CHD1L: variants seen among roughly 807,000 people sequenced by gnomAD.
The protein encoded by CHD1L is chromodomain helicase DNA binding protein 1 like, also known as ATP-dependent chromatin remodeler CHD1L.
A neutral mutation model predicts 115.9 loss-of-function variants in CHD1L; 118 were observed. The ratio of observed to expected loss-of-function variants is 1.02; its 90% CI spans 0.88 to 1.19. CHD1L has a LOEUF of 1.19. CHD1L is among the 50% of genes most tolerant of loss of function. The pLI is 0.00. For synonymous variants in CHD1L, 411 were observed against 387.1 expected (o/e 1.06, Z -0.72); for missense variants, 1,179 against 1,065.3 (o/e 1.11, Z -1.49).
the CHD1L span, among the ~76,000 whole-genome samples, chr1:147,176,958 G>A: frequency 6.6e-6 from 1 of 151,912 alleles, no homozygotes; most frequent in African/African-American, 2.4e-5. Flanking sequence ...ACTTAAAAAT[G>A]CATGTGGATT....
In CHD1L at chr1:147,295,494, A is replaced by G. The variant is rs782706262; in HGVS notation, c.2679A>G (p.Arg893=). Residue 893 remains arginine (R), a synonymous_variant, in exon 23 of 23, where the codon AGA becomes AGG. Transcript: ENST00000369258. ...CACAGTCTTCATCTTCCTCCTCAAG[A>G]CAGCTGGTGCCTTAAGAATTGGCCC... The part of the protein sequence containing the change: ...LHSQSSSSSS[R]QLVP 1.2e-6 allele frequency: 2 copies of G among 1,610,292 alleles called. No homozygotes were observed. The highest frequency in any genetic ancestry group is 1.7e-5 in the Admixed American group (1 of 59,836).
the CHD1L span, among the ~76,000 whole-genome samples, chr1:147,233,189 C>G: frequency 6.6e-6 from 1 of 151,788 alleles, no homozygotes; most frequent in Non-Finnish European, 1.5e-5. Context: ...TGCCCAGCCG[C>G]CCCGTCTGAG....
the CHD1L span, among the ~76,000 whole-genome samples, chr1:147,224,659 G>A: frequency 6.6e-6 from 1 of 151,824 alleles, no homozygotes. Flanking sequence ...ACATGCACCC[G>A]CCACCACGCC....
the CHD1L span, chr1:147,209,046 GA>G: frequency 6.8e-6 from 11 of 1,613,216 alleles, no homozygotes; most frequent in Non-Finnish European, 8.5e-6. Context: ...TGGTGCTGAG[GA>G]AAACCTGGGG....
At chr1:147,183,447 G>C in the CHD1L span, among the ~76,000 whole-genome samples, 3 of 151,982 alleles carry the variant, frequency 2.0e-5, no homozygotes, top group Non-Finnish European at 4.4e-5. Context: ...CACTACATTA[G>C]GCACTAGGAA....
At chr1:147,233,659 A>T in the CHD1L span, among the ~76,000 whole-genome samples, 4 of 151,852 alleles carry the variant, frequency 2.6e-5, no homozygotes, top group East Asian at 1.9e-4. Flanking sequence ...GAAAGGGGGG[A>T]AAGGTGGGGA....
the CHD1L span, among the ~76,000 whole-genome samples, chr1:147,196,922 G>A: frequency 2.0e-5 from 3 of 152,066 alleles, no homozygotes; most frequent in African/African-American, 7.2e-5. Context: ...TTGGTTTAAA[G>A]CTCTCATGCT....
At chr1:147,225,324 G>A in the CHD1L span, 16 of 429,948 alleles carry the variant, frequency 3.7e-5, no homozygotes, top group Non-Finnish European at 4.7e-5. Context: ...CTTCAGCTGC[G>A]ATCTGGAGGA....
intron 1 of CHD1L, among the ~76,000 whole-genome samples, chr1:147,250,875 T>A (rs1241496734): frequency 1.3e-5 from 2 of 152,044 alleles, no homozygotes; most frequent in East Asian, 3.9e-4. Context: ...TCTCCACGTG[T>A]CAAGGGTGGT....
At chr1:147,228,347 T>C in the CHD1L span, among the ~76,000 whole-genome samples, 1 of 152,286 alleles carries the variant, frequency 6.6e-6, no homozygotes, top group East Asian at 1.9e-4. Context: ...ACTCATCATT[T>C]TTTATGGCTA....
chr1:147,290,094 G>GTT (rs1430017997), intron 19 of CHD1L, among the ~76,000 whole-genome samples: 1 of 152,088 alleles, frequency 6.6e-6, no homozygotes, highest in African/African-American at 2.4e-5. Flanking sequence ...GTTTTTTGTT[G>GTT]TTTTGTTTTT....
the CHD1L span, among the ~76,000 whole-genome samples, chr1:147,226,058 A>C: frequency 6.7e-6 from 1 of 149,156 alleles, no homozygotes; most frequent in Non-Finnish European, 1.5e-5. Flanking sequence ...ACTTTTTTTA[A>C]CTCCTAGGGC....
At chr1:147,264,833 TAGAA>T (rs782004792) in intron 7 of CHD1L, among the ~76,000 whole-genome samples, 11 of 152,222 alleles carry the variant, frequency 7.2e-5, no homozygotes, top group Non-Finnish European at 1.5e-4. Flanking sequence ...TTGGAAGAAA[TAGAA>T]AGTGCCTGCT....
chr1:147,237,145 G>C, the CHD1L span, among the ~76,000 whole-genome samples: 1 of 152,198 alleles, frequency 6.6e-6, no homozygotes, highest in South Asian at 2.1e-4. Context: ...ACCTGGCCAG[G>C]CTGCAATAGC....
In CHD1L at chr1:147,268,811, G is replaced by A. The variant is rs140168816; in HGVS notation, c.1018G>A (p.Asp340Asn). ...GGAGCCGGAGCCTTTTGAAGTTGGAGACCACCTGACTGAGGCTAGTGGGAA... is the reference window on the plus strand; with the variant it reads ...GGAGCCGGAGCCTTTTGAAGTTGGAAACCACCTGACTGAGGCTAGTGGGAA... ...GVEPEPFEVG[D>N]HLTEASGKLH... is the part of the protein sequence containing the mutation. Residue 340 changes from aspartate to asparagine, a missense_variant, in exon 10 of 23, where the codon GAC becomes AAC. By Grantham distance (23) the Asp-to-Asn change is conservative. Coordinates refer to ENST00000369258, the MANE Select transcript of CHD1L (RefSeq NM_004284.6). 98 of 1,613,578 alleles carry A rather than the reference G, an allele frequency of 6.1e-5. No homozygotes were observed. In the Middle Eastern group the frequency reaches 6.6e-4, roughly 11 times the overall value.
the CHD1L span, among the ~76,000 whole-genome samples, chr1:147,235,430 C>T: frequency 7.2e-5 from 11 of 152,216 alleles, no homozygotes; most frequent in African/African-American, 2.6e-4. Context: ...CTACTATTAT[C>T]CTCATAATTC....
At chr1:147,255,105 T>C (rs915766851) in intron 3 of CHD1L, 129 bp downstream of exon 3, 1 of 603,408 alleles carries the variant, frequency 1.7e-6, no homozygotes, top group Non-Finnish European at 2.8e-6. Flanking sequence ...AACTTTGAGC[T>C]GATAGAGTGT....
At chr1:147,287,929 C>T (rs1342989549) in intron 19 of CHD1L, among the ~76,000 whole-genome samples, 196 bp downstream of exon 19, 8 of 152,230 alleles carry the variant, frequency 5.3e-5, no homozygotes, top group African/African-American at 1.9e-4. Context: ...GTTTCCTCAT[C>T]TGTGATTTGT....
chr1:147,223,285 G>A, the CHD1L span, among the ~76,000 whole-genome samples: 4 of 152,268 alleles, frequency 2.6e-5, no homozygotes, highest in Admixed American at 2.6e-4. Flanking sequence ...GATGATACAC[G>A]TATGCAGGTC....
Sources: allele counts gnomAD v4.1 joint callset (sites outside exome capture counted in the v4.1 genomes callset), GRCh38; gene constraint gnomAD v4.1.1; transcripts MANE v1.5; gene names NCBI Gene and HGNC (gene_info 2026-07-23, HGNC 2026-07-21).